Variants in HUWE1 observed in about 807,000 individuals in gnomAD.
The protein encoded by HUWE1 is HECT, UBA and WWE domain containing E3 ubiquitin protein ligase 1.
A neutral mutation model predicts 299.4 loss-of-function variants in HUWE1; 18 were observed. That is an observed-to-expected ratio of 0.06 (90% CI 0.04 to 0.09). The LOEUF is 0.09. HUWE1 is among the 10% of genes least tolerant of loss of function. HUWE1 has a pLI of 1.00. For missense variants in HUWE1, 1,832 were observed against 3,462.3 expected, an observed-to-expected ratio of 0.53 and a Z score of 11.82; for synonymous variants, 1,317 against 1,286.1, an observed-to-expected ratio of 1.02 and a Z score of -0.51.
chrX:53,662,581 A>G (rs782228791), intron 3 of HUWE1, among the ~76,000 whole-genome samples: 1 of 111,938 alleles, frequency 8.9e-6, no homozygotes, highest in East Asian at 2.8e-4. Flanking sequence ...TACTGGTTTG[A>G]TTTTCTAAGA....
chrX:53,568,826 G>A lies in HUWE1; in HGVS notation c.6573C>T (p.Pro2191=). Residue 2191 remains proline, a synonymous_variant, in exon 49 of 84, where the codon CCC becomes CCT. Coordinates refer to ENST00000262854, the MANE Select transcript of HUWE1 (RefSeq NM_031407.7). ...CIISTIMESC[P]STSSFYSSAT... is the part of the protein sequence containing the mutation. ...CACTGCTGTAGAAGCTGGAGGTGGA[G>A]GGGCAGGACTCCATGATAGTACTGA... 8.3e-7 allele frequency: 1 copy of A among 1,208,364 alleles called. No homozygotes were observed. The highest frequency in any genetic ancestry group is 1.1e-6 in the Non-Finnish European group (1 of 893,593).
Position 53,617,123 on chromosome X carries a change from C to G in HUWE1, c.1804G>C (p.Gly602Arg), listed in dbSNP as rs1295265330. ...KDVPATREVL[G>R]SLPNVFSALC... Reference sequence around the variant, plus strand: ...GCACTGAATACATTTGGGAGGGAGCCAAGGACTTCACGGGTAGCAGGAACC... The same window carrying G: ...GCACTGAATACATTTGGGAGGGAGCGAAGGACTTCACGGGTAGCAGGAACC... The change falls in exon 21 of 84, where the codon GGC (glycine) becomes CGC (arginine). Residue 602 changes from glycine to arginine, a missense_variant. Gly to Arg is a moderately radical substitution (Grantham distance 125). Around this residue, in one of 15 missense-constraint regions of HUWE1, gnomAD observed 658 missense variants for 1,282.6 expected, o/e 0.51. Transcript: ENST00000262854. The G allele has an allele frequency of 8.3e-7, 1 of 1,207,894 alleles. No homozygotes were observed. The highest frequency in any genetic ancestry group is 1.1e-6 in the Non-Finnish European group (1 of 894,079).
intron 78 of HUWE1, chrX:53,537,187 T>G: frequency 3.8e-6 from 1 of 260,915 alleles, no homozygotes; most frequent in South Asian, 5.0e-5. Flanking sequence ...ACTGCTGATC[T>G]CCTCTAGGTG....
At chrX:53,578,342 TGGGA>T (rs1337696494) in intron 43 of HUWE1, among the ~76,000 whole-genome samples, 1 of 87,702 alleles carries the variant, frequency 1.1e-5, no homozygotes, top group Admixed American at 1.2e-4. Context: ...CCACCCCGTC[TGGGA>T]GGGAGGTGGG....
chrX:53,543,056 C>T (rs782090002), intron 73 of HUWE1, among the ~76,000 whole-genome samples: 6 of 110,698 alleles, frequency 5.4e-5, no homozygotes, highest in Non-Finnish European at 9.5e-5. Flanking sequence ...AAAAATACTC[C>T]AGAATAACAG....
At position 53,680,131 on chromosome X, in the gene HUWE1, T is replaced by C. The variant is rs981902166; in HGVS notation, c.-107A>G. 6.7e-6 allele frequency: 2 copies of C among 297,580 alleles called. No individual in the cohort carries two copies. Among genetic ancestry groups the C allele is most frequent in the Non-Finnish European group, 1.2e-5 (2 of 170,318 alleles). 24.5% of individuals were successfully genotyped at this position (297,580 alleles called of 1,213,427 possible). ...AGCTTCCCGAACCTTCCTGACCAAG[T>C]TGGCCTGCTGGTTTCTCTGGATCAC... On this transcript the variant is annotated 5_prime_UTR_variant, in exon 3 of 84. Transcript: ENST00000262854.
chrX:53,640,838 C>T (rs1286502652), intron 7 of HUWE1, among the ~76,000 whole-genome samples: 2 of 112,145 alleles, frequency 1.8e-5, no homozygotes, highest in African/African-American at 3.2e-5. Context: ...TATATGTGAG[C>T]CACTTATACC....
chrX:53,674,643 G>A (rs1451755412), intron 3 of HUWE1, among the ~76,000 whole-genome samples: 1 of 111,829 alleles, frequency 8.9e-6, no homozygotes, highest in Non-Finnish European at 1.9e-5. Flanking sequence ...ACAAAACTCT[G>A]TGACATTCTC....
At chrX:53,653,613 T>C (rs1310181754) in intron 4 of HUWE1, among the ~76,000 whole-genome samples, 1 of 112,449 alleles carries the variant, frequency 8.9e-6, no homozygotes, top group Non-Finnish European at 1.9e-5. Context: ...AATTGTGTGA[T>C]TAAGAATCAG....
chrX:53,584,481 C>T, intron 40 of HUWE1, 136 bp from the exon 41 acceptor site: 1 of 559,567 alleles, frequency 1.8e-6, no homozygotes, highest in East Asian at 3.6e-5. Flanking sequence ...TTATCATTTA[C>T]AGAGAAAAAA....
intron 28 of HUWE1, among the ~76,000 whole-genome samples, chrX:53,600,611 T>C (rs1489288396): frequency 1.8e-5 from 2 of 112,698 alleles, no homozygotes; most frequent in Non-Finnish European, 3.8e-5. Context: ...GACTACAGTG[T>C]GCACAGTACC....
At chrX:53,590,551 C>T in intron 34 of HUWE1, 52 bp from the exon 35 acceptor site, 1 of 888,231 alleles carries the variant, frequency 1.1e-6, no homozygotes, top group Non-Finnish European at 1.7e-6. Context: ...AACAAAGAAA[C>T]CCAACAAGAC....
chrX:53,650,891 C>T (rs1478132626), intron 4 of HUWE1, among the ~76,000 whole-genome samples: 1 of 111,417 alleles, frequency 9.0e-6, no homozygotes, highest in African/African-American at 3.3e-5. Flanking sequence ...AAATAAGAGC[C>T]AGAAATCAGT....
intron 47 of HUWE1, among the ~76,000 whole-genome samples, chrX:53,571,120 G>A (rs1179260765): frequency 1.8e-5 from 2 of 112,008 alleles, no homozygotes; most frequent in African/African-American, 6.5e-5. Context: ...CTATTAAAGA[G>A]ATCACTATCA....
intron 3 of HUWE1, among the ~76,000 whole-genome samples, chrX:53,657,595 T>C (rs2068804892): frequency 9.0e-6 from 1 of 111,581 alleles, no homozygotes; most frequent in East Asian, 2.8e-4. Flanking sequence ...GCTAAAGCAG[T>C]AAAGGAAATA....
intron 42 of HUWE1, among the ~76,000 whole-genome samples, chrX:53,583,148 T>C (rs1199330771): frequency 9.0e-6 from 1 of 111,288 alleles, no homozygotes; most frequent in Non-Finnish European, 1.9e-5. Flanking sequence ...GCTTTAACTA[T>C]ACTTTTATAT....
intron 19 of HUWE1, among the ~76,000 whole-genome samples, chrX:53,623,391 C>G (rs905259762): frequency 8.9e-6 from 1 of 111,830 alleles, no homozygotes; most frequent in South Asian, 3.7e-4. Context: ...CCCCAAAGAA[C>G]TATTGTCTGA....
At chrX:53,534,256 G>C (rs1207627157) in intron 82 of HUWE1, 59 bp from the exon 83 acceptor site, 2 of 1,021,600 alleles carry the variant, frequency 2.0e-6, no homozygotes, top group South Asian at 1.9e-5. Flanking sequence ...AGCAGGGTGG[G>C]GGGGATGGAA....
At chrX:53,577,458 A>T (rs1195090406) in intron 43 of HUWE1, among the ~76,000 whole-genome samples, 3 of 80,544 alleles carry the variant, frequency 3.7e-5, no homozygotes, top group African/African-American at 1.0e-4. Flanking sequence ...ACGTTTTATT[A>T]AAAAAAAAAA....
Sources: allele counts gnomAD v4.1 joint callset (sites outside exome capture counted in the v4.1 genomes callset), GRCh38; gene constraint gnomAD v4.1.1; regional missense constraint gnomAD v4.1.1; transcripts MANE v1.5; gene names NCBI Gene and HGNC (gene_info 2026-07-23, HGNC 2026-07-21).